NRG1: variants seen among roughly 807,000 people sequenced by gnomAD.
NRG1 encodes neuregulin 1.
Under a neutral mutation model 63.8 loss-of-function variants are expected in NRG1, and 18 were observed. The observed-to-expected ratio is 0.28, with a 90% CI of 0.19 to 0.42. The LOEUF is 0.42. Among genes scored for constraint, NRG1 ranks in the 10% least tolerant of loss-of-function variants. The pLI is 1.00. For synonymous variants in NRG1, 302 were observed against 301.3 expected, an observed-to-expected ratio of 1.00 and a Z score of -0.02; for missense variants, 762 against 814.7, an observed-to-expected ratio of 0.94 and a Z score of 0.79.
intron 1 of NRG1, among the ~76,000 whole-genome samples, chr8:31,907,902 T>C (rs1832657672): frequency 6.6e-6 from 1 of 152,162 alleles, no homozygotes; most frequent in African/African-American, 2.4e-5. Context: ...CTGTATGCCT[T>C]CTTCTTTTTA....
At chr8:32,457,981 G>A (rs1245838563) in intron 1 of NRG1, among the ~76,000 whole-genome samples, 3 of 151,750 alleles carry the variant, frequency 2.0e-5, no homozygotes, top group African/African-American at 4.8e-5. Flanking sequence ...GCAATGGTGC[G>A]ATCTCGGCTC....
chr8:31,722,586 TG>T (rs1813029464), intron 1 of NRG1, among the ~76,000 whole-genome samples: 1 of 152,176 alleles, frequency 6.6e-6, no homozygotes, highest in South Asian at 2.1e-4. Flanking sequence ...TTGCTCTCTT[TG>T]AATTATATTT....
intron 1 of NRG1, among the ~76,000 whole-genome samples, chr8:32,409,010 T>C (rs1814508271): frequency 6.6e-6 from 1 of 152,150 alleles, no homozygotes; most frequent in Non-Finnish European, 1.5e-5. Flanking sequence ...TGTTTCTGAG[T>C]TATTTCACTT....
intron 1 of NRG1, among the ~76,000 whole-genome samples, chr8:31,813,377 T>C (rs188916676): frequency 6.6e-6 from 1 of 152,292 alleles, no homozygotes; most frequent in East Asian, 1.9e-4. Context: ...TGGGTATCAG[T>C]TGCCTCAAGC....
At chr8:31,789,230 A>C (rs1820460255) in intron 1 of NRG1, among the ~76,000 whole-genome samples, 1 of 152,168 alleles carries the variant, frequency 6.6e-6, no homozygotes, top group African/African-American at 2.4e-5. Context: ...AAAGTGGTTT[A>C]GAGTCAATTG....
intron 1 of NRG1, among the ~76,000 whole-genome samples, chr8:31,965,968 G>A (rs989992555): frequency 1.3e-5 from 2 of 152,126 alleles, no homozygotes; most frequent in African/African-American, 4.8e-5. Flanking sequence ...CAACAAAAAT[G>A]GGGAGAGAGA....
chr8:32,006,240 T>C (rs937418734), intron 1 of NRG1, among the ~76,000 whole-genome samples: 3 of 152,058 alleles, frequency 2.0e-5, no homozygotes, highest in Admixed American at 6.6e-5. Context: ...AAACACTATT[T>C]ATTAGTTGTA....
At chr8:31,760,820 G>A (rs1275641912) in intron 1 of NRG1, among the ~76,000 whole-genome samples, 1 of 152,184 alleles carries the variant, frequency 6.6e-6, no homozygotes, top group African/African-American at 2.4e-5. Flanking sequence ...TGGAGAGGAT[G>A]TGGAGAAATA....
At chr8:32,340,082 G>A (rs6991248) in intron 1 of NRG1, among the ~76,000 whole-genome samples, 80,222 of 151,940 alleles carry the variant, frequency 0.53, 21,911 homozygotes, top group Non-Finnish European at 0.61. Context: ...AACTAGATAT[G>A]TGATGGATAG....
At chr8:31,951,422 G>A (rs949073758) in intron 1 of NRG1, among the ~76,000 whole-genome samples, 1 of 152,196 alleles carries the variant, frequency 6.6e-6, no homozygotes, top group Non-Finnish European at 1.5e-5. Context: ...CTGGCAGTGA[G>A]CCAAAGAGGT....
intron 1 of NRG1, among the ~76,000 whole-genome samples, chr8:32,519,866 C>A (rs936492692): frequency 6.6e-6 from 1 of 152,066 alleles, no homozygotes; most frequent in Non-Finnish European, 1.5e-5. Context: ...TTTGTGCCAC[C>A]GTGTTTTCTT....
At position 31,992,170 on chromosome 8, in the gene NRG1, T is replaced by TA. The variant is rs565119312; in HGVS notation, c.37+352748dup. ...AGCAACATAGTGAGATCCCATCTCT[T>TA]AAAAAAAAATAAAAAATTAGCCAGC... On this transcript the variant is annotated intron_variant, in intron 1 of 10. Coordinates refer to the NRG1 transcript ENST00000519301. Among the ~76,000 whole-genome samples, 741 of 150,502 alleles carry TA rather than the reference T, an allele frequency of 4.9e-3. 7 individuals carry two copies. Among genetic ancestry groups the TA allele is most frequent in the Non-Finnish European group, 6.3e-3 (427 of 67,568 alleles).
chr8:31,903,679 G>C (rs1481598011), intron 1 of NRG1, among the ~76,000 whole-genome samples: 1 of 152,256 alleles, frequency 6.6e-6, no homozygotes, highest in African/African-American at 2.4e-5. Context: ...TCTTGGCCAG[G>C]CATGGTGGAT....
chr8:32,350,070 C>G (rs948373493), intron 1 of NRG1, among the ~76,000 whole-genome samples: 8 of 152,176 alleles, frequency 5.3e-5, no homozygotes, highest in Non-Finnish European at 1.2e-4. Context: ...TCTCCTGGAT[C>G]TCTCTCTTTC....
intron 1 of NRG1, among the ~76,000 whole-genome samples, chr8:32,241,923 T>A (rs1848139913): frequency 6.6e-6 from 1 of 151,946 alleles, no homozygotes; most frequent in African/African-American, 2.4e-5. Flanking sequence ...CCAGCTATTT[T>A]TAAAATTTTT....
chr8:31,688,332 G>A (rs1217930233), intron 1 of NRG1, among the ~76,000 whole-genome samples: 1 of 152,150 alleles, frequency 6.6e-6, no homozygotes, highest in African/African-American at 2.4e-5. Context: ...AGGGCCAACG[G>A]AGCTTGTTTG....
At chr8:32,181,440 T>G (rs1841421970) in intron 1 of NRG1, among the ~76,000 whole-genome samples, 2 of 152,224 alleles carry the variant, frequency 1.3e-5, no homozygotes, top group African/African-American at 4.8e-5. Context: ...TTTTATTTCC[T>G]TTGTATCCAG....
intron 2 of NRG1, among the ~76,000 whole-genome samples, chr8:32,596,252 G>A (rs1489740519): frequency 6.6e-6 from 1 of 152,120 alleles, no homozygotes; most frequent in African/African-American, 2.4e-5. Context: ...AAGAAGAGAT[G>A]GAAGGGAAGA....
chr8:32,263,635 A>G lies in NRG1; in HGVS notation c.38-332193A>G, dbSNP rs867821355. Among the ~76,000 whole-genome samples, 98 of 152,310 alleles carry G rather than the reference A, an allele frequency of 6.4e-4. No homozygotes were observed. In the Middle Eastern group the frequency reaches 0.014, roughly 21 times the overall value. ...GAAGTCACTAGTTACTTTTCTGCTC[A>G]ATTAGCTATATATAGATTAACTTTT... On this transcript the variant is annotated intron_variant, in intron 1 of 10. Coordinates refer to the NRG1 transcript ENST00000519301.
Sources: allele counts gnomAD v4.1 joint callset (sites outside exome capture counted in the v4.1 genomes callset), GRCh38; gene constraint gnomAD v4.1.1; transcripts MANE v1.5; gene names NCBI Gene and HGNC (gene_info 2026-07-23, HGNC 2026-07-21).